PCDHGA4: variants seen among roughly 807,000 people sequenced by gnomAD.
PCDHGA4 encodes protocadherin gamma-A4.
PCDHGA4 carries 38 observed loss-of-function variants against 54.6 expected under a neutral mutation model. That is an observed-to-expected ratio of 0.70 (90% CI 0.54 to 0.91). The LOEUF (loss-of-function observed/expected upper bound fraction) is 0.91, where lower values mean the gene tolerates loss of function less well. Among genes scored for constraint, PCDHGA4 ranks in the 40% least tolerant of loss-of-function variants. PCDHGA4 has a pLI of 0.00. For synonymous variants in PCDHGA4, 511 were observed against 512.9 expected, an observed-to-expected ratio of 1.00 and a Z score of 0.05; for missense variants, 1,298 against 1,220.9, an observed-to-expected ratio of 1.06 and a Z score of -0.94.
Position 141,491,611 on chromosome 5 carries a change from A to G in PCDHGA4, c.2515-3196A>G. The G allele has an allele frequency of 6.2e-7, 1 of 1,613,866 alleles. No individual in the cohort carries two copies. The highest frequency in any genetic ancestry group is 8.5e-7 in the Non-Finnish European group (1 of 1,180,018). Reference sequence around the variant, plus strand: ...GGACGGCAGTGACTTCACTTTTCTAAGACCCCTCAGCGTTCAGCAGCCCAC... The same window carrying G: ...GGACGGCAGTGACTTCACTTTTCTAGGACCCCTCAGCGTTCAGCAGCCCAC... On this transcript the variant is annotated intron_variant, in intron 1 of 3. Transcript: ENST00000571252. This position sits in a 1 kb window ranked among gnomAD's most constrained non-coding sequence, Gnocchi z 6.9.
intron 1 of PCDHGA4, chr5:141,478,153 T>G (rs1477175391): frequency 3.1e-6 from 5 of 1,613,934 alleles, no homozygotes; most frequent in Middle Eastern, 1.6e-4. Flanking sequence ...AGTTCCCCTC[T>G]GGCTCTGCCC....
Position 141,512,910 on chromosome 5 carries a change from T to C in PCDHGA4, c.*1737T>C, listed in dbSNP as rs2099884499. On this transcript the variant is annotated 3_prime_UTR_variant, in exon 4 of 4. Transcript: ENST00000571252. Reference sequence around the variant, plus strand: ...CTCTTCCTGTGTCTCACGCAAGTTTTATACTCTAATATTTATATGGCTTTT... The same window carrying C: ...CTCTTCCTGTGTCTCACGCAAGTTTCATACTCTAATATTTATATGGCTTTT... 1 of 152,274 alleles carries C rather than the reference T, an allele frequency of 6.6e-6. No homozygotes were observed. The highest frequency in any genetic ancestry group is 2.1e-4 in the South Asian group (1 of 4,836). 9.4% of individuals were successfully genotyped at this position (152,274 alleles called of 1,614,324 possible). A position where few individuals can be genotyped will look rare whatever the true frequency, so the allele number is the denominator to read the frequency against.
intron 1 of PCDHGA4, chr5:141,395,360 GT>G: frequency 1.5e-6 from 2 of 1,290,436 alleles, no homozygotes; most frequent in Non-Finnish European, 2.1e-6. Context: ...AGAGTTTTGG[GT>G]TTATTTTGGT....
intron 1 of PCDHGA4, chr5:141,423,165 C>G: frequency 6.2e-7 from 1 of 1,613,434 alleles, no homozygotes; most frequent in Non-Finnish European, 8.5e-7. Context: ...TCGTGGTGGC[C>G]GTCCAGGACC....
In PCDHGA4 at chr5:141,490,023, G is replaced by A. The variant is rs1306715385; in HGVS notation, c.2515-4784G>A. The A allele has an allele frequency of 1.2e-6, 2 of 1,614,134 alleles. No homozygotes were observed. Among genetic ancestry groups the A allele is most frequent in the Non-Finnish European group, 1.7e-6 (2 of 1,180,060 alleles). On this transcript the variant is annotated intron_variant, in intron 1 of 3. Transcript: ENST00000571252. This position sits in a 1 kb window ranked among gnomAD's most constrained non-coding sequence, Gnocchi z 5.4. ...AGAATGCACCCATTGGTACTCTGCT[G>A]CTCCGCCTCAATGCCACTGATCCAG... is the stretch of plus-strand genomic sequence containing the variant.
chr5:141,448,338 T>A (rs1053822287), intron 1 of PCDHGA4, among the ~76,000 whole-genome samples: 1 of 152,192 alleles, frequency 6.6e-6, no homozygotes, highest in African/African-American at 2.4e-5. Context: ...TATAGCCATG[T>A]ACCTCAATCT....
At chr5:141,395,620 CAAG>C (rs1298520628) in intron 1 of PCDHGA4, 1 of 189,326 alleles carries the variant, frequency 5.3e-6, no homozygotes, top group Non-Finnish European at 1.1e-5. Flanking sequence ...AGAAAATTAT[CAAG>C]AAGTCTAAAG....
At chr5:141,422,333 T>C in intron 1 of PCDHGA4, 1 of 1,549,594 alleles carries the variant, frequency 6.5e-7, no homozygotes, top group Non-Finnish European at 8.7e-7. Flanking sequence ...GTGATTGCTC[T>C]TCTAAATGTG....
intron 1 of PCDHGA4, among the ~76,000 whole-genome samples, chr5:141,481,668 A>G (rs1051166504): frequency 6.6e-6 from 1 of 152,090 alleles, no homozygotes; most frequent in Admixed American, 6.6e-5. Flanking sequence ...TAATACAAAA[A>G]TCAGGCCGGG....
chr5:141,403,169 C>T, intron 1 of PCDHGA4: 13 of 1,614,016 alleles, frequency 8.1e-6, no homozygotes, highest in Non-Finnish European at 1.1e-5. Flanking sequence ...AGGTAGGACG[C>T]AGCTTTTCTC....
chr5:141,432,600 C>T lies in PCDHGA4; in HGVS notation c.2515-62207C>T, dbSNP rs901310090. The T allele has an allele frequency of 1.9e-6, 3 of 1,613,832 alleles. No individual in the cohort carries two copies. The East Asian group carries it at 6.7e-5, about 36-fold the overall frequency. ...TACCGTCTGCTCAAGGCCAGCGAGCCGGGACTCTTCTCGGTGGGTCTGCAC... is the reference window on the plus strand; with the variant it reads ...TACCGTCTGCTCAAGGCCAGCGAGCTGGGACTCTTCTCGGTGGGTCTGCAC... On this transcript the variant is annotated intron_variant, in intron 1 of 3. Transcript: ENST00000571252. The surrounding 1 kb of genome is among the most constrained non-coding windows in gnomAD (Gnocchi z 6.0).
chr5:141,414,981 C>G (rs766434004), intron 1 of PCDHGA4: 12 of 1,613,722 alleles, frequency 7.4e-6, no homozygotes, highest in East Asian at 6.7e-5. Flanking sequence ...ACAGAGACTC[C>G]GGCCAGAACG....
chr5:141,490,497 C>G lies in PCDHGA4; in HGVS notation c.2515-4310C>G. The stretch of plus-strand genomic sequence containing the variant: ...CTTTGGACCGGGAGGCCACATCCCA[C>G]TATATCATCGAGCTGCTGGCCAGCG... On this transcript the variant is annotated intron_variant, in intron 1 of 3. Transcript: ENST00000571252. The surrounding 1 kb of genome is among the most constrained non-coding windows in gnomAD (Gnocchi z 5.4). 6.2e-7 allele frequency: 1 copy of G among 1,614,196 alleles called. No individual in the cohort carries two copies. Among genetic ancestry groups the G allele is most frequent in the South Asian group, 1.1e-5 (1 of 91,084 alleles).
intron 2 of PCDHGA4, among the ~76,000 whole-genome samples, chr5:141,503,598 C>CAAAAAAA (rs765754054): frequency 1.5e-5 from 1 of 65,730 alleles, no homozygotes; most frequent in Non-Finnish European, 3.4e-5. Flanking sequence ...GACTCCAGCT[C>CAAAAAAA]AAAAAAAAAA....
In PCDHGA4 at chr5:141,356,437, G is replaced by C. The variant is rs1760223098; in HGVS notation, c.1330G>C (p.Glu444Gln). 6.2e-7 allele frequency: 1 copy of C among 1,611,268 alleles called. No homozygotes were observed. The highest frequency in any genetic ancestry group is 8.5e-7 in the Non-Finnish European group (1 of 1,178,486). ...GTTGACACACAGAACACTGGACAGGGAAGAAGTCTCAGAATATAACATCAC... is the reference window on the plus strand; with the variant it reads ...GTTGACACACAGAACACTGGACAGGCAAGAAGTCTCAGAATATAACATCAC... ...RLLTHRTLDR[E>Q]EVSEYNITVT... Residue 444 changes from glutamate (E) to glutamine (Q), a missense_variant, in exon 1 of 4, where the codon GAA becomes CAA. Glu to Gln is a conservative substitution (Grantham distance 29, BLOSUM62 2). Transcript: ENST00000571252.
At chr5:141,441,849 G>A (rs1192040398) in intron 1 of PCDHGA4, 2 of 345,448 alleles carry the variant, frequency 5.8e-6, no homozygotes, top group Non-Finnish European at 1.1e-5. Context: ...TCTTGGATAT[G>A]GTGCTGCACG....
intron 1 of PCDHGA4, chr5:141,413,715 G>A (rs955570292): frequency 2.5e-6 from 4 of 1,613,472 alleles, no homozygotes; most frequent in Non-Finnish European, 3.4e-6. Context: ...GCCCCAATAA[G>A]CACTTCTCCC....
intron 1 of PCDHGA4, among the ~76,000 whole-genome samples, chr5:141,438,613 TATATATATATATATATATATATACAC>T (rs1192023297): frequency 0.026 from 946 of 36,486 alleles, 27 homozygotes; most frequent in African/African-American, 0.12. Flanking sequence ...TATATATATA[TATATATATATATATATATATATACAC>T]ACACACACAC....
intron 1 of PCDHGA4, chr5:141,365,106 C>G: frequency 1.2e-6 from 2 of 1,613,862 alleles, no homozygotes; most frequent in Non-Finnish European, 1.7e-6. Flanking sequence ...CCTGTGGGCA[C>G]TCGGCTGCTC....
Sources: gnomAD v4.1 joint callset for allele counts (sites outside exome capture counted in the v4.1 genomes callset) on GRCh38, gnomAD v4.1.1 for gene constraint, Gnocchi (gnomAD v3.1) non-coding constraint, MANE v1.5 for transcripts, NCBI Gene and HGNC (gene_info 2026-07-23, HGNC 2026-07-21) for gene names.